Variants in ITGA8 observed in about 807,000 individuals in gnomAD.
ITGA8 encodes the protein integrin subunit alpha 8, also known as integrin alpha-8.
In ITGA8, 91 loss-of-function variants were observed where a neutral mutation model predicts 142.3. The ratio of observed to expected loss-of-function variants is 0.64; its 90% CI spans 0.54 to 0.76. The LOEUF (loss-of-function observed/expected upper bound fraction) is 0.76. Ranked by LOEUF, ITGA8 falls within the 30% of genes least tolerant of loss-of-function variation. ITGA8 has a pLI of 0.00. For synonymous variants in ITGA8, 505 were observed against 485.2 expected (o/e 1.04, Z -0.54); for missense variants, 1,406 against 1,327.7 (o/e 1.06, Z -0.92).
chr10:15,619,020 T>C (rs1295935204), intron 13 of ITGA8, among the ~76,000 whole-genome samples: 2 of 152,186 alleles, frequency 1.3e-5, no homozygotes, highest in Non-Finnish European at 2.9e-5. Flanking sequence ...CAGGTAGGAA[T>C]TAGAAAGTGA....
intron 3 of ITGA8, 146 bp from the exon 4 acceptor site, chr10:15,684,273 G>T: frequency 1.4e-6 from 1 of 734,578 alleles, no homozygotes; most frequent in Non-Finnish European, 2.1e-6. Flanking sequence ...TTGGTCATCA[G>T]AGGTAATTAA....
chr10:15,582,817 G>A (rs1339131117), intron 23 of ITGA8, among the ~76,000 whole-genome samples: 1 of 152,244 alleles, frequency 6.6e-6, no homozygotes, highest in Non-Finnish European at 1.5e-5. Context: ...TCTCATGCAT[G>A]GTTGGTGGGA....
intron 17 of ITGA8, 108 bp from the exon 18 acceptor site, chr10:15,606,530 G>T (rs1833200624): frequency 9.3e-7 from 1 of 1,080,998 alleles, no homozygotes; most frequent in African/African-American, 1.6e-5. Flanking sequence ...AGTGAATGAT[G>T]AAACAATTAT....
intron 28 of ITGA8, among the ~76,000 whole-genome samples, chr10:15,528,653 A>G (rs1833225982): frequency 6.6e-6 from 1 of 152,066 alleles, no homozygotes; most frequent in African/African-American, 2.4e-5. Context: ...AATCCTGTGG[A>G]TGGAACCAAC....
chr10:15,652,917 C>T (rs1034904261), intron 11 of ITGA8, among the ~76,000 whole-genome samples: 1 of 152,188 alleles, frequency 6.6e-6, no homozygotes, highest in Admixed American at 6.5e-5. Context: ...AACAGCGAAG[C>T]CTGAGCTGGT....
chr10:15,550,888 C>T (rs781314225), intron 26 of ITGA8, among the ~76,000 whole-genome samples: 4 of 151,820 alleles, frequency 2.6e-5, no homozygotes, highest in African/African-American at 7.3e-5. Flanking sequence ...GATAGGGGCC[C>T]GTTGCAAGAG....
intron 25 of ITGA8, among the ~76,000 whole-genome samples, chr10:15,568,523 G>A (rs890662686): frequency 2.3e-4 from 35 of 152,158 alleles, no homozygotes; most frequent in African/African-American, 8.2e-4. Flanking sequence ...AACCTTGTTT[G>A]GGTCTTATCA....
intron 26 of ITGA8, among the ~76,000 whole-genome samples, chr10:15,553,863 C>T (rs372757911): frequency 5.3e-5 from 8 of 152,028 alleles, no homozygotes; most frequent in South Asian, 4.2e-4. Context: ...TGTGGTGGCA[C>T]GCACCTGTAA....
intron 24 of ITGA8, among the ~76,000 whole-genome samples, chr10:15,574,780 AT>A (rs1236003576): frequency 6.6e-6 from 1 of 151,914 alleles, no homozygotes; most frequent in Non-Finnish European, 1.5e-5. Flanking sequence ...AGTTGGTGAC[AT>A]TCAGTTTAAA....
intron 29 of ITGA8, among the ~76,000 whole-genome samples, chr10:15,519,037 C>G (rs528726641): frequency 2.0e-5 from 3 of 152,314 alleles, no homozygotes; most frequent in African/African-American, 7.2e-5. Flanking sequence ...GCCTAACTCT[C>G]TCTACATTTA....
At chr10:15,657,509 C>CTTTCTTTTTTTTTTTTTT (rs534714654) in intron 10 of ITGA8, among the ~76,000 whole-genome samples, 1 of 116,500 alleles carries the variant, frequency 8.6e-6, no homozygotes, top group African/African-American at 3.2e-5. Flanking sequence ...TCTTTTCTTT[C>CTTTCTTTTTTTTTTTTTT]ATTTTTTTTT....
chr10:15,676,036 T>C (rs72781812), intron 6 of ITGA8, among the ~76,000 whole-genome samples: 17,807 of 152,180 alleles, frequency 0.12, 1,085 homozygotes, highest in East Asian at 0.19. Context: ...AACATAATAA[T>C]GTTAATTTCA....
At chr10:15,580,115 A>G (rs1156354634) in intron 23 of ITGA8, among the ~76,000 whole-genome samples, 1 of 131,236 alleles carries the variant, frequency 7.6e-6, no homozygotes, top group Non-Finnish European at 1.6e-5. Flanking sequence ...AGCCAGACTG[A>G]TCAGAAAATG....
intron 27 of ITGA8, among the ~76,000 whole-genome samples, chr10:15,537,798 G>T (rs932003477): frequency 2.0e-5 from 3 of 152,164 alleles, no homozygotes; most frequent in Middle Eastern, 3.4e-3. Context: ...ATTCGTTAAG[G>T]CACCTCTCTT....
chr10:15,541,338 C>T (rs61843012), intron 27 of ITGA8, among the ~76,000 whole-genome samples: 25,918 of 152,248 alleles, frequency 0.17, 2,368 homozygotes, highest in Admixed American at 0.2. Context: ...TGGGGTTCAC[C>T]TGCCCTGCAT....
chr10:15,563,477 T>C (rs986072861), intron 25 of ITGA8, among the ~76,000 whole-genome samples: 3 of 152,190 alleles, frequency 2.0e-5, no homozygotes, highest in African/African-American at 7.2e-5. Flanking sequence ...TTGACAATTA[T>C]GTTACAGAGG....
intron 4 of ITGA8, among the ~76,000 whole-genome samples, chr10:15,679,052 A>G (rs1330262000): frequency 6.6e-6 from 1 of 152,204 alleles, no homozygotes; most frequent in African/African-American, 2.4e-5. Context: ...TTTATGACTC[A>G]CTTTCATTTG....
chr10:15,653,121 T>G (rs11253591), intron 11 of ITGA8, among the ~76,000 whole-genome samples: 14,865 of 152,242 alleles, frequency 0.098, 930 homozygotes, highest in East Asian at 0.29. Context: ...TGAATATGCC[T>G]GGAGCTCCCA....
chr10:15,680,216 CTTTTTTTTTTTTTTT>C (rs71374638), intron 4 of ITGA8, among the ~76,000 whole-genome samples: 1 of 54,230 alleles, frequency 1.8e-5, no homozygotes, highest in South Asian at 1.1e-3. Flanking sequence ...CCAGATGCTC[CTTTTTTTTTTTTTTT>C]TTTTTTTTTT....
Sources: gnomAD v4.1 joint callset for allele counts (sites outside exome capture counted in the v4.1 genomes callset) on GRCh38, gnomAD v4.1.1 for gene constraint, MANE v1.5 for transcripts, NCBI Gene and HGNC (gene_info 2026-07-23, HGNC 2026-07-21) for gene names.